ZPR1: variants seen among roughly 807,000 people sequenced by gnomAD.
The protein encoded by ZPR1 is ZPR1 zinc finger, also known as zinc finger protein ZPR1.
A neutral mutation model predicts 59.6 loss-of-function variants in ZPR1; 37 were observed. The ratio of observed to expected loss-of-function variants is 0.62; its 90% CI spans 0.48 to 0.82. ZPR1 has a LOEUF of 0.82. Ranked by LOEUF, ZPR1 falls within the 40% of genes least tolerant of loss-of-function variation. ZPR1 has a pLI of 0.00. For synonymous variants in ZPR1, 191 were observed against 215.2 expected (o/e 0.89, Z 0.99); for missense variants, 527 against 579.9 (o/e 0.91, Z 0.94).
Position 116,787,930 on chromosome 11 carries a change from C to A in ZPR1, c.61G>T (p.Ala21Ser). ...TCAGGGGCAGGCGGCGGGGCCGGGG[C>A]GGGCGACGGGGCGACGGCAGCCCCC... is the stretch of plus-strand genomic sequence containing the variant. ...PPGAAVAPSP[A>S]PAPPPAPDHL... Residue 21 changes from alanine (A) to serine (S), a missense_variant, in exon 1 of 14, where the codon GCC becomes TCC. Transcript: ENST00000227322. 1 of 1,486,426 alleles carries A rather than the reference C, an allele frequency of 6.7e-7. No individual in the cohort carries two copies. Among genetic ancestry groups the A allele is most frequent in the Non-Finnish European group, 8.9e-7 (1 of 1,125,358 alleles). 92.1% of individuals were successfully genotyped at this position (1,486,426 alleles called of 1,614,324 possible).
At chr11:116,785,066 GCTCCTTC>G (rs779270777) in intron 7 of ZPR1, 26 bp downstream of exon 7, 5 of 1,613,704 alleles carry the variant, frequency 3.1e-6, no homozygotes, top group Non-Finnish European at 4.2e-6. Flanking sequence ...CCACAACTCT[GCTCCTTC>G]CTCACCAGTA....
At chr11:116,785,068 T>C in intron 7 of ZPR1, 31 bp downstream of exon 7, 1 of 1,613,992 alleles carries the variant, frequency 6.2e-7, no homozygotes, top group East Asian at 2.2e-5. Flanking sequence ...ACAACTCTGC[T>C]CCTTCCTCAC....
In ZPR1 at chr11:116,779,053, A is replaced by G. The variant is rs757040956; in HGVS notation, c.1252T>C (p.Tyr418His). ...ATCTCAGGATCATCTTCAGGCGCATACACATTCTGCAAGGTCAAGGAGAGA... is the reference window on the plus strand; with the variant it reads ...ATCTCAGGATCATCTTCAGGCGCATGCACATTCTGCAAGGTCAAGGAGAGA... ...PAGNSYLQNVYAPEDDPEMKV... is the reference protein window; with the variant it reads ...PAGNSYLQNVHAPEDDPEMKV... Residue 418 changes from tyrosine to histidine, a missense_variant, in exon 14 of 14, where the codon TAT (tyrosine) becomes CAT (histidine). Coordinates refer to ENST00000227322, the MANE Select transcript of ZPR1 (RefSeq NM_003904.5). The G allele has an allele frequency of 6.2e-7, 1 of 1,614,086 alleles. No individual in the cohort carries two copies. Among genetic ancestry groups the G allele is most frequent in the Non-Finnish European group, 8.5e-7 (1 of 1,179,998 alleles).
chr11:116,787,735 G>T (rs1291344324), intron 1 of ZPR1, 85 bp downstream of exon 1: 4 of 1,524,318 alleles, frequency 2.6e-6, no homozygotes. Context: ...GTCCCCGGCC[G>T]GGCCCACCTG....
At chr11:116,782,022 A>G (rs1299906171) in intron 12 of ZPR1, 136 bp downstream of exon 12, 8 of 680,256 alleles carry the variant, frequency 1.2e-5, no homozygotes, top group South Asian at 4.3e-5. Flanking sequence ...CAAAAAAAAA[A>G]AAAAGAAAAG....
At chr11:116,783,143 C>T (rs547919878) in intron 10 of ZPR1, 114 bp from the exon 11 acceptor site, 2 of 740,560 alleles carry the variant, frequency 2.7e-6, no homozygotes, top group Admixed American at 2.4e-5. Context: ...GCAGCTGTCT[C>T]AGTTTTCTCT....
Position 116,777,964 on chromosome 11 carries a change from C to T in ZPR1, c.*961G>A, listed in dbSNP as rs929904481. On this transcript the variant is annotated 3_prime_UTR_variant, in exon 14 of 14. Coordinates refer to ENST00000227322, the MANE Select transcript of ZPR1 (RefSeq NM_003904.5). ...GTAGGGCTAACTGATCAGGTACCCC[C>T]ACTGGCTCTAACCTCACAGCTCTAG... is the stretch of plus-strand genomic sequence containing the variant. 4.6e-5 allele frequency: 7 copies of T among 152,218 alleles called. No homozygotes were observed. The highest frequency in any genetic ancestry group is 4.6e-4 in the Admixed American group (7 of 15,280). The allele number at this position is 152,218 out of a possible 1,614,324, so 9.4% of individuals were successfully genotyped here.
rs1346313116 is a variant in ZPR1 at position 116,778,835 on chromosome 11, A to G, written c.*90T>C. 44 of 1,504,620 alleles carry G rather than the reference A, an allele frequency of 2.9e-5. No homozygotes were observed. The highest frequency in any genetic ancestry group is 3.4e-5 in the Non-Finnish European group (38 of 1,122,940). The allele number at this position is 1,504,620 out of a possible 1,614,324, so 93.2% of individuals were successfully genotyped here. A position where few individuals can be genotyped will look rare whatever the true frequency, so the allele number is the denominator to read the frequency against. On this transcript the variant is annotated 3_prime_UTR_variant, in exon 14 of 14. Transcript: ENST00000227322. ...CCACCATGGGCAAGGGCTGGTGGGA[A>G]AGACACTCCCAGCCTTCGCCTTCAT... is the stretch of plus-strand genomic sequence containing the variant.
intron 9 of ZPR1, 100 bp from the exon 10 acceptor site, chr11:116,783,719 C>T (rs603446): frequency 0.38 from 330,750 of 866,758 alleles, 66,815 homozygotes; most frequent in Non-Finnish European, 0.44. Flanking sequence ...TCAGTTAGGG[C>T]CATTAATAGC....
chr11:116,787,209 T>C (rs1591310398), intron 2 of ZPR1, 150 bp from the exon 3 acceptor site: 1 of 743,264 alleles, frequency 1.3e-6, no homozygotes, highest in Non-Finnish European at 2.2e-6. Context: ...TTTCGAATAG[T>C]ACAGGTGGTG....
At position 116,785,899 on chromosome 11, in the gene ZPR1, G is replaced by A. The variant is rs1426037594; in HGVS notation, c.496-17C>T. On this transcript the variant is annotated splice_polypyrimidine_tract_variant and intron_variant, in intron 4 of 13. Transcript: ENST00000227322. ...TTTGTTTGCCTGCCATGAACAGAGA[G>A]TAAAGCATCAGCCCTGGTGGTGTAC... The A allele has an allele frequency of 2.5e-6, 4 of 1,610,734 alleles. No homozygotes were observed. In the African/African-American group the frequency reaches 4.0e-5, roughly 16 times the overall value.
chr11:116,779,158 G>C (rs945323897), intron 13 of ZPR1, 99 bp from the exon 14 acceptor site: 3 of 1,523,344 alleles, frequency 2.0e-6, no homozygotes, highest in African/African-American at 1.4e-5. Context: ...ATGAGTTTTG[G>C]GTTTTTTTCT....
chr11:116,785,006 A>C, intron 7 of ZPR1, 85 bp from the exon 8 acceptor site: 1 of 1,605,848 alleles, frequency 6.2e-7, no homozygotes, highest in South Asian at 1.1e-5. Flanking sequence ...GCTAGTGGTC[A>C]TCTATGTTGG....
chr11:116,784,826 G>C, intron 8 of ZPR1, 29 bp downstream of exon 8: 1 of 1,613,002 alleles, frequency 6.2e-7, no homozygotes, highest in Non-Finnish European at 8.5e-7. Context: ...GTCAGATGAA[G>C]AGCAACCCAA....
intron 12 of ZPR1, among the ~76,000 whole-genome samples, chr11:116,780,784 C>A (rs555926300): frequency 6.6e-6 from 1 of 152,018 alleles, no homozygotes; most frequent in Non-Finnish European, 1.5e-5. Flanking sequence ...GTCTTTAGCC[C>A]GCTACTTGTA....
Position 116,785,576 on chromosome 11 carries a change from C to T in ZPR1, c.643G>A (p.Asp215Asn). 1 of 1,614,176 alleles carries T rather than the reference C, an allele frequency of 6.2e-7. No homozygotes were observed. Among genetic ancestry groups the T allele is most frequent in the Non-Finnish European group, 8.5e-7 (1 of 1,180,030 alleles). Reference protein sequence around the residue: ...VENPHAPQKDDALVITHYNRT... With the variant: ...VENPHAPQKDNALVITHYNRT... ...TTGTAGTGTGTGATCACCAGGGCAT[C>T]ATCTTTCTGAGGAGCATGTGGGTTT... Residue 215 changes from aspartate (D) to asparagine (N), a missense_variant, in exon 6 of 14, where the codon GAT (aspartate) becomes AAT (asparagine). By Grantham distance (23) the Asp-to-Asn change is conservative. Coordinates refer to ENST00000227322, the MANE Select transcript of ZPR1 (RefSeq NM_003904.5).
Position 116,778,806 on chromosome 11 carries a change from C to T in ZPR1, c.*119G>A. The T allele has an allele frequency of 1.6e-6, 2 of 1,289,398 alleles. No individual in the cohort carries two copies. 79.9% of individuals were successfully genotyped at this position (1,289,398 alleles called of 1,614,324 possible). A position where few individuals can be genotyped will look rare whatever the true frequency, so the allele number is the denominator to read the frequency against. Reference sequence around the variant, plus strand: ...AGATCTCTGACTCAGACCAGATGTCCTCCCCACCATGGGCAAGGGCTGGTG... The same window carrying T: ...AGATCTCTGACTCAGACCAGATGTCTTCCCCACCATGGGCAAGGGCTGGTG... On this transcript the variant is annotated 3_prime_UTR_variant, in exon 14 of 14. Coordinates refer to ENST00000227322, the MANE Select transcript of ZPR1 (RefSeq NM_003904.5).
rs773435093 is a variant in ZPR1 at position 116,779,104 on chromosome 11, C to T, written c.1246-45G>A. 19 of 1,605,894 alleles carry T rather than the reference C, an allele frequency of 1.2e-5. No homozygotes were observed. The Admixed American group carries it at 3.0e-4, about 26-fold the overall frequency. On this transcript the variant is annotated intron_variant, in intron 13 of 13. Transcript: ENST00000227322. Reference sequence around the variant, plus strand: ...CAATCAGTGCCGCTGTGCCACTCCCCCTCTCTGCAGGCAGCTTCCAATTCC... The same window carrying T: ...CAATCAGTGCCGCTGTGCCACTCCCTCTCTCTGCAGGCAGCTTCCAATTCC...
At chr11:116,783,690 T>C (rs905987446) in intron 9 of ZPR1, 71 bp from the exon 10 acceptor site, 1 of 1,286,118 alleles carries the variant, frequency 7.8e-7, no homozygotes, top group Non-Finnish European at 1.1e-6. Context: ...AGACCTGGAG[T>C]GTAGGCTTGG....
Sources: allele counts gnomAD v4.1 joint callset (sites outside exome capture counted in the v4.1 genomes callset), GRCh38; gene constraint gnomAD v4.1.1; transcripts MANE v1.5; gene names NCBI Gene and HGNC (gene_info 2026-07-23, HGNC 2026-07-21).